IARS2: variants seen among roughly 807,000 people sequenced by gnomAD.
IARS2 encodes the protein isoleucine--tRNA ligase, mitochondrial.
IARS2 carries 56 observed loss-of-function variants against 126.3 expected under a neutral mutation model. The observed-to-expected ratio is 0.44, with a 90% CI of 0.36 to 0.55. The LOEUF (loss-of-function observed/expected upper bound fraction) is 0.55, where lower values mean the gene tolerates loss of function less well. IARS2 is among the 20% of genes least tolerant of loss of function. IARS2 has a pLI of 0.00. For missense variants in IARS2, 1,127 were observed against 1,245.9 expected (o/e 0.90, Z 1.44); for synonymous variants, 407 against 441.1 (o/e 0.92, Z 0.97).
At chr1:220,103,165 C>T (rs1293023644) in intron 7 of IARS2, among the ~76,000 whole-genome samples, 9 of 151,880 alleles carry the variant, frequency 5.9e-5, no homozygotes, top group African/African-American at 1.2e-4. Flanking sequence ...CTCAGCCTCC[C>T]GAGTAGCTGG....
chr1:220,118,714 A>C (rs1656978262), intron 12 of IARS2, among the ~76,000 whole-genome samples: 1 of 152,148 alleles, frequency 6.6e-6, no homozygotes, highest in Non-Finnish European at 1.5e-5. Flanking sequence ...TCTGGAAATT[A>C]TGAGAAATTT....
intron 12 of IARS2, among the ~76,000 whole-genome samples, chr1:220,123,115 A>T (rs1657082654): frequency 1.3e-5 from 2 of 149,690 alleles, no homozygotes; most frequent in Non-Finnish European, 1.5e-5. Context: ...TGGTCTTTAG[A>T]TTTATTCAGA....
intron 2 of IARS2, among the ~76,000 whole-genome samples, chr1:220,099,287 T>C (rs1656516912): frequency 6.6e-6 from 1 of 151,688 alleles, no homozygotes; most frequent in Non-Finnish European, 1.5e-5. Flanking sequence ...TTAAAATTTT[T>C]CTAGTGGCCC....
At chr1:220,113,640 G>T (rs11118496) in intron 11 of IARS2, among the ~76,000 whole-genome samples, 92,993 of 148,282 alleles carry the variant, frequency 0.63, 29,808 homozygotes, top group South Asian at 0.72. Flanking sequence ...TATATATATA[G>T]AGAGAGAGAG....
chr1:220,117,150 G>A (rs1233896881), intron 12 of IARS2, among the ~76,000 whole-genome samples: 2 of 144,388 alleles, frequency 1.4e-5, no homozygotes, highest in African/African-American at 5.1e-5. Flanking sequence ...TTTTTTTTTG[G>A]AAAGTTTTAT....
intron 19 of IARS2, among the ~76,000 whole-genome samples, chr1:220,141,239 T>C (rs983843705): frequency 1.3e-5 from 2 of 152,146 alleles, no homozygotes; most frequent in African/African-American, 4.8e-5. Context: ...TTCTCAGGAG[T>C]TCTCAAATCC....
rs199819720 is a variant in IARS2 at position 220,125,285 on chromosome 1, T to C, written c.1689T>C (p.Asp563=). 1.0e-4 allele frequency: 164 copies of C among 1,613,912 alleles called. No individual in the cohort carries two copies. The East Asian group carries it at 3.4e-3, about 34-fold the overall frequency. Residue 563 remains aspartate (D), a synonymous_variant, in exon 13 of 23, where the codon GAT becomes GAC. Coordinates refer to ENST00000366922, the MANE Select transcript of IARS2 (RefSeq NM_018060.4). ...AACTAGTGGAACAACACGGCAGTGA[T>C]ATCTGGTGGACTCTTCCCCCTGAAC... ...IVKLVEQHGS[D]IWWTLPPEQL...
At chr1:220,109,983 C>T (rs908821931) in intron 10 of IARS2, among the ~76,000 whole-genome samples, 3 of 152,210 alleles carry the variant, frequency 2.0e-5, no homozygotes, top group Admixed American at 6.5e-5. Context: ...TAAGATTTTA[C>T]AGTCCGTGCT....
Position 220,110,751 on chromosome 1 carries a change from T to C in IARS2, c.1328-35T>C, listed in dbSNP as rs753872929. 19 of 1,490,722 alleles carry C rather than the reference T, an allele frequency of 1.3e-5. No homozygotes were observed. The East Asian group carries it at 3.8e-4, about 30-fold the overall frequency. 92.3% of individuals were successfully genotyped at this position (1,490,722 alleles called of 1,614,324 possible). A position where few individuals can be genotyped will look rare whatever the true frequency, so the allele number is the denominator to read the frequency against. On this transcript the variant is annotated intron_variant, in intron 10 of 22. Coordinates refer to ENST00000366922, the MANE Select transcript of IARS2 (RefSeq NM_018060.4). ...TTTTTAGGATTTTCACAGTACTTTT[T>C]AATTATGTCTAATTTGGTGTTTTTT...
At chr1:220,122,630 A>G (rs1657072322) in intron 12 of IARS2, among the ~76,000 whole-genome samples, 1 of 152,218 alleles carries the variant, frequency 6.6e-6, no homozygotes, top group South Asian at 2.1e-4. Flanking sequence ...ATCATTTCTC[A>G]AGACCCACTG....
intron 13 of IARS2, among the ~76,000 whole-genome samples, chr1:220,125,589 A>T (rs1657134495): frequency 6.6e-6 from 1 of 152,198 alleles, no homozygotes; most frequent in African/African-American, 2.4e-5. Context: ...AGATAGCTTG[A>T]GTCCATGAGT....
chr1:220,103,640 A>G, intron 8 of IARS2, 78 bp downstream of exon 8: 2 of 850,710 alleles, frequency 2.4e-6, no homozygotes, highest in Non-Finnish European at 3.9e-6. Flanking sequence ...GCTGAACTGC[A>G]TATTTTGAAT....
At chr1:220,136,533 C>T (rs928180905) in intron 15 of IARS2, among the ~76,000 whole-genome samples, 1 of 148,242 alleles carries the variant, frequency 6.7e-6, no homozygotes, top group African/African-American at 2.5e-5. Flanking sequence ...TGAGGTCAGG[C>T]GTAGGTAGGA....
intron 11 of IARS2, among the ~76,000 whole-genome samples, chr1:220,112,053 C>T (rs1656814076): frequency 6.6e-6 from 1 of 151,388 alleles, no homozygotes; most frequent in Admixed American, 6.6e-5. Context: ...TGTCGTATTC[C>T]CATCACTCAG....
chr1:220,136,491 G>C (rs1180270976), intron 15 of IARS2, among the ~76,000 whole-genome samples: 1 of 152,012 alleles, frequency 6.6e-6, no homozygotes, highest in Non-Finnish European at 1.5e-5. Context: ...TGTAATTCCA[G>C]CACTTTGGGA....
Position 220,102,734 on chromosome 1 carries a change from A to G in IARS2, c.907A>G (p.Thr303Ala). ...TTTGGTCTGGACCACACAACCTTGG[A>G]CGATTCCAGCCAATGAAGCTGTTTG... ...SILVWTTQPWTIPANEAVCYM... is the reference protein window; with the variant it reads ...SILVWTTQPWAIPANEAVCYM... The change falls in exon 7 of 23, where the codon ACG (threonine) becomes GCG (alanine). Residue 303 changes from threonine to alanine, a missense_variant. Transcript: ENST00000366922. 6.2e-7 allele frequency: 1 copy of G among 1,613,838 alleles called. No individual in the cohort carries two copies. The highest frequency in any genetic ancestry group is 8.5e-7 in the Non-Finnish European group (1 of 1,179,736).
chr1:220,111,034 G>A, intron 11 of IARS2, 97 bp downstream of exon 11: 3 of 1,073,064 alleles, frequency 2.8e-6, no homozygotes, highest in Non-Finnish European at 1.3e-6. Flanking sequence ...GGAGTAATAG[G>A]GATTGCTGCT....
chr1:220,118,127 T>G (rs1656964895), intron 12 of IARS2: 2 of 472,128 alleles, frequency 4.2e-6, no homozygotes, highest in Admixed American at 2.4e-5. Flanking sequence ...TTTTCTGTCT[T>G]TCTTTATTAT....
At position 220,100,553 on chromosome 1, in the gene IARS2, G is replaced by A. The variant is rs780373797; in HGVS notation, c.454G>A (p.Gly152Ser). 9 of 1,613,240 alleles carry A rather than the reference G, an allele frequency of 5.6e-6. No homozygotes were observed. Among genetic ancestry groups the A allele is most frequent in the Non-Finnish European group, 7.6e-6 (9 of 1,179,506 alleles). Residue 152 changes from glycine (G) to serine (S), a missense_variant, in exon 3 of 23, where the codon GGC (glycine) becomes AGC (serine). By Grantham distance (56) the Gly-to-Ser change is moderately conservative. Transcript: ENST00000366922. Reference sequence around the variant, plus strand: ...TGGCTCCAAAATACATTTTGTGCCCGGCTGGGATTGTCATGGGTTGCCCAT... The same window carrying A: ...TGGCTCCAAAATACATTTTGTGCCCAGCTGGGATTGTCATGGGTTGCCCAT... ...MNGSKIHFVP[G>S]WDCHGLPIEI...
Sources: allele counts gnomAD v4.1 joint callset (sites outside exome capture counted in the v4.1 genomes callset), GRCh38; gene constraint gnomAD v4.1.1; transcripts MANE v1.5; gene names NCBI Gene and HGNC (gene_info 2026-07-23, HGNC 2026-07-21).